The following KALRN variants were observed in gnomAD, a reference collection of about 807,000 sequenced individuals.
KALRN encodes kalirin RhoGEF kinase.
Under a neutral mutation model 353.7 loss-of-function variants are expected in KALRN, and 70 were observed. The ratio of observed to expected loss-of-function variants is 0.20; its 90% confidence interval spans 0.16 to 0.24. The LOEUF is 0.24. KALRN is among the 10% of genes least tolerant of loss of function. KALRN has a pLI of 1.00. For synonymous variants in KALRN, 1,391 were observed against 1,434.8 expected, an observed-to-expected ratio of 0.97 and a Z score of 0.69; for missense variants, 2,791 against 3,756.7, an observed-to-expected ratio of 0.74 and a Z score of 6.72.
chr3:124,123,809 G>C (rs1425646664), intron 1 of KALRN, among the ~76,000 whole-genome samples: 1 of 152,164 alleles, frequency 6.6e-6, no homozygotes, highest in Non-Finnish European at 1.5e-5. Flanking sequence ...AAGAAAGCCT[G>C]GATGACAGTA....
At chr3:124,256,906 A>C (rs890493718) in intron 3 of KALRN, among the ~76,000 whole-genome samples, 1 of 152,250 alleles carries the variant, frequency 6.6e-6, no homozygotes, top group African/African-American at 2.4e-5. Flanking sequence ...GTCTGAGCAC[A>C]TGCAGCAATA....
intron 1 of KALRN, among the ~76,000 whole-genome samples, chr3:124,113,043 A>T (rs2063137388): frequency 6.6e-6 from 1 of 152,198 alleles, no homozygotes; most frequent in Admixed American, 6.5e-5. Flanking sequence ...ATAAATTCGG[A>T]TGTGTCAAGC....
intron 9 of KALRN, among the ~76,000 whole-genome samples, chr3:124,346,403 A>G (rs2082266760): frequency 6.6e-6 from 1 of 152,114 alleles, no homozygotes; most frequent in Non-Finnish European, 1.5e-5. Flanking sequence ...CTAAATATCA[A>G]GGAAACTGTC....
intron 1 of KALRN, among the ~76,000 whole-genome samples, chr3:124,198,655 G>A (rs960380681): frequency 2.6e-5 from 4 of 152,168 alleles, no homozygotes; most frequent in African/African-American, 9.7e-5. Context: ...TCATGAGTGA[G>A]CTTTTTTGGA....
At chr3:124,711,880 A>G (rs1347529822) in intron 57 of KALRN, among the ~76,000 whole-genome samples, 1 of 152,210 alleles carries the variant, frequency 6.6e-6, no homozygotes, top group Non-Finnish European at 1.5e-5. Flanking sequence ...TAGGAGATCT[A>G]TTTTGCTATT....
At chr3:124,319,719 G>T (rs549995441) in intron 6 of KALRN, among the ~76,000 whole-genome samples, 1 of 151,910 alleles carries the variant, frequency 6.6e-6, no homozygotes, top group African/African-American at 2.4e-5. Flanking sequence ...CAGGCCAGGC[G>T]CAGTGGCTCA....
chr3:124,337,764 A>G (rs1426685160), intron 9 of KALRN, among the ~76,000 whole-genome samples: 2 of 152,162 alleles, frequency 1.3e-5, no homozygotes, highest in Non-Finnish European at 2.9e-5. Flanking sequence ...CTGTGAATCC[A>G]TCTGGTCCTG....
intron 34 of KALRN, among the ~76,000 whole-genome samples, chr3:124,604,361 C>T (rs565694511): frequency 9.2e-5 from 14 of 152,120 alleles, no homozygotes; most frequent in South Asian, 4.2e-4. Flanking sequence ...AGTTATGCAT[C>T]GAGCCTGAAA....
At chr3:124,174,985 G>A (rs1338971057) in intron 1 of KALRN, among the ~76,000 whole-genome samples, 1 of 152,228 alleles carries the variant, frequency 6.6e-6, no homozygotes, top group African/African-American at 2.4e-5. Flanking sequence ...ACTTTGTGTT[G>A]TCCTTCCAAA....
intron 9 of KALRN, among the ~76,000 whole-genome samples, chr3:124,344,467 A>G (rs2082079119): frequency 6.6e-6 from 1 of 152,262 alleles, no homozygotes; most frequent in South Asian, 2.1e-4. Context: ...TGTATCATGC[A>G]ATGATGGCTC....
In KALRN at chr3:124,422,732, G is replaced by T. The variant is rs758740942; in HGVS notation, c.2543-80G>T. 6 of 1,198,248 alleles carry T rather than the reference G, an allele frequency of 5.0e-6. No homozygotes were observed. The Admixed American group carries it at 6.5e-5, about 13-fold the overall frequency. The allele number at this position is 1,198,248 out of a possible 1,614,324, so 74.2% of individuals were successfully genotyped here. On this transcript the variant is annotated intron_variant, in intron 14 of 59. Transcript: ENST00000682506. ...GAATAATGGCTGTTTCCAAATTCCA[G>T]TTTTCTTATGCATATTGAAGGGAAT...
At chr3:124,618,201 C>T (rs550435125) in intron 34 of KALRN, among the ~76,000 whole-genome samples, 46 of 147,096 alleles carry the variant, frequency 3.1e-4, no homozygotes, top group Non-Finnish European at 6.1e-4. Context: ...CTCCGCCTCC[C>T]GGGGTTCATG....
intron 25 of KALRN, among the ~76,000 whole-genome samples, chr3:124,471,985 CA>C (rs1473271810): frequency 3.0e-5 from 3 of 98,512 alleles, no homozygotes; most frequent in Non-Finnish European, 4.4e-5. Flanking sequence ...AAAAAAAAAA[CA>C]ACCTTCATTT....
chr3:124,717,530 C>T (rs987512904), intron 59 of KALRN, 145 bp downstream of exon 59: 2 of 476,006 alleles, frequency 4.2e-6, no homozygotes, highest in South Asian at 4.2e-5. Context: ...ACTAAAAATA[C>T]AAAAAATACA....
chr3:124,519,974 G>C, intron 33 of KALRN: 1 of 635,936 alleles, frequency 1.6e-6, no homozygotes, highest in Non-Finnish European at 2.0e-6. Context: ...CAGATGCAAT[G>C]AGCGTGTGTC....
intron 34 of KALRN, among the ~76,000 whole-genome samples, chr3:124,580,384 G>GGGGGGGGGGGGGGT (rs1398227667): frequency 3.4e-5 from 5 of 148,546 alleles, no homozygotes; most frequent in Admixed American, 6.9e-5. Flanking sequence ...GGGGAGGGGG[G>GGGGGGGGGGGGGGT]ACTCAGGCAG....
chr3:124,443,869 A>C (rs2093746793), intron 19 of KALRN, among the ~76,000 whole-genome samples: 1 of 152,198 alleles, frequency 6.6e-6, no homozygotes. Flanking sequence ...TTCAATGAGC[A>C]AAACTCTGGC....
chr3:124,504,811 G>C (rs2065028373), intron 33 of KALRN: 4 of 469,674 alleles, frequency 8.5e-6, no homozygotes, highest in South Asian at 6.2e-5. Context: ...GCCAGAACCA[G>C]TTCAGCCCCA....
In KALRN at chr3:124,234,962, G is replaced by A; in HGVS notation, c.263+19G>A. On this transcript the variant is annotated intron_variant, in intron 3 of 59. Coordinates refer to ENST00000682506, the MANE Select transcript of KALRN (RefSeq NM_001388419.1). ...TGCCAAGGTAAGGGGAAGGGGAATG[G>A]CCTGCAGGGGAGCGGGAGGGGAGCT... The A allele has an allele frequency of 6.4e-7, 1 of 1,559,296 alleles. No homozygotes were observed. Among genetic ancestry groups the A allele is most frequent in the Non-Finnish European group, 8.8e-7 (1 of 1,142,236 alleles).
Sources: allele counts gnomAD v4.1 joint callset (sites outside exome capture counted in the v4.1 genomes callset), GRCh38; gene constraint gnomAD v4.1.1; transcripts MANE v1.5; gene names NCBI Gene and HGNC (gene_info 2026-07-23, HGNC 2026-07-21).